CDH13: variants seen among roughly 807,000 people sequenced by gnomAD.
CDH13 encodes cadherin 13.
A neutral mutation model predicts 63.8 loss-of-function variants in CDH13; 24 were observed. The observed-to-expected ratio is 0.38, with a 90% CI of 0.27 to 0.53. CDH13 has a LOEUF of 0.53. CDH13 is among the 20% of genes least tolerant of loss of function. The pLI, the probability that CDH13 is intolerant of heterozygous loss-of-function variation, is 0.85. For missense variants in CDH13, 1,049 were observed against 903.1 expected (o/e 1.16, Z -2.07); for synonymous variants, 503 against 355.3 (o/e 1.42, Z -4.67).
chr16:83,379,938 T>TATATATATATATATATAGAGAGAGAGAG, intron 6 of CDH13, among the ~76,000 whole-genome samples: 68 of 123,424 alleles, frequency 5.5e-4, no homozygotes, highest in African/African-American at 1.6e-3. Flanking sequence ...TATATATATA[T>TATATATATATATATATAGAGAGAGAGAG]AGAGAGAGAG....
At chr16:83,696,081 G>C (rs965378384) in intron 10 of CDH13, among the ~76,000 whole-genome samples, 1 of 151,768 alleles carries the variant, frequency 6.6e-6, no homozygotes, top group Non-Finnish European at 1.5e-5. Flanking sequence ...TGTAGAGATG[G>C]GGTTTCGCCA....
chr16:83,736,975 G>C (rs190878323), intron 10 of CDH13, among the ~76,000 whole-genome samples: 113 of 152,304 alleles, frequency 7.4e-4, no homozygotes, highest in African/African-American at 2.6e-3. Context: ...GGAAATGTCA[G>C]TTCCATTGTT....
intron 2 of CDH13, among the ~76,000 whole-genome samples, chr16:83,020,283 C>G (rs1366618160): frequency 1.3e-5 from 2 of 152,294 alleles, no homozygotes; most frequent in African/African-American, 2.4e-5. Context: ...TCTGGAAGAC[C>G]TCAGGGCATC....
intron 6 of CDH13, among the ~76,000 whole-genome samples, chr16:83,428,269 G>A (rs2071977176): frequency 6.6e-6 from 1 of 152,120 alleles, no homozygotes; most frequent in Non-Finnish European, 1.5e-5. Context: ...AAAACAGCAG[G>A]CAGCAAAAAC....
chr16:83,335,777 C>T (rs2090580431), intron 5 of CDH13, among the ~76,000 whole-genome samples: 1 of 152,096 alleles, frequency 6.6e-6, no homozygotes, highest in Non-Finnish European at 1.5e-5. Flanking sequence ...ATGCAGACCC[C>T]AGTCACGTAC....
intron 4 of CDH13, among the ~76,000 whole-genome samples, chr16:83,133,302 C>G (rs1389931684): frequency 6.6e-6 from 1 of 152,160 alleles, no homozygotes; most frequent in Non-Finnish European, 1.5e-5. Flanking sequence ...AAGCTTATCA[C>G]ACGAACACAA....
At chr16:83,379,320 A>G (rs1454056531) in intron 6 of CDH13, among the ~76,000 whole-genome samples, 1 of 151,974 alleles carries the variant, frequency 6.6e-6, no homozygotes, top group Non-Finnish European at 1.5e-5. Context: ...GGTGCTGTTG[A>G]CTCTTCTACG....
intron 4 of CDH13, among the ~76,000 whole-genome samples, chr16:83,187,029 G>GGT (rs2038547560): frequency 6.6e-6 from 1 of 152,016 alleles, no homozygotes; most frequent in Non-Finnish European, 1.5e-5. Context: ...GGAGTGCAGT[G>GGT]GTGTGATCTC....
At chr16:83,516,378 A>G (rs2074699471) in intron 7 of CDH13, among the ~76,000 whole-genome samples, 1 of 152,220 alleles carries the variant, frequency 6.6e-6, no homozygotes, top group African/African-American at 2.4e-5. Flanking sequence ...ACACTCCACT[A>G]GTTTCTAGCC....
At chr16:83,554,099 C>A in intron 7 of CDH13, among the ~76,000 whole-genome samples, 1 of 152,110 alleles carries the variant, frequency 6.6e-6, no homozygotes, top group East Asian at 1.9e-4. Context: ...GATTAGACCT[C>A]AATGTAGCAG....
Position 82,764,254 on chromosome 16 carries a change from G to A in CDH13, c.46-94108G>A, listed in dbSNP as rs551643355. ...AACTTTTGAATTGTCATGCAGCTCA[G>A]AACTGGGGGATCTAGAAACTGAATT... On this transcript the variant is annotated intron_variant, in intron 1 of 13. Coordinates refer to ENST00000567109, the MANE Select transcript of CDH13 (RefSeq NM_001257.5). Among the ~76,000 whole-genome samples the A allele has an allele frequency of 3.3e-5, 5 of 152,338 alleles. No homozygotes were observed. In the East Asian group the frequency reaches 9.6e-4, roughly 29 times the overall value.
intron 1 of CDH13, among the ~76,000 whole-genome samples, chr16:82,812,763 GTTTT>G (rs146407577): frequency 2.0e-5 from 3 of 150,028 alleles, no homozygotes; most frequent in Non-Finnish European, 4.5e-5. Context: ...AGAAAACAAA[GTTTT>G]TTTTTTCTTT....
intron 6 of CDH13, among the ~76,000 whole-genome samples, chr16:83,456,108 C>T (rs918488740): frequency 1.2e-4 from 19 of 152,240 alleles, no homozygotes; most frequent in African/African-American, 4.6e-4. Context: ...GACTGCATTT[C>T]TTCATCCACC....
At chr16:83,032,608 G>A (rs1003250560) in intron 3 of CDH13, among the ~76,000 whole-genome samples, 3 of 152,018 alleles carry the variant, frequency 2.0e-5, no homozygotes, top group African/African-American at 4.8e-5. Context: ...CTTTCTGCTG[G>A]TCTGAAGTCG....
chr16:83,669,978 A>G lies in CDH13; in HGVS notation c.1102-812A>G, dbSNP rs562149545. 3.3e-5 allele frequency among the ~76,000 whole-genome samples: 5 copies of G among 152,334 alleles called. No individual in the cohort carries two copies. The South Asian group carries it at 6.2e-4, about 19-fold the overall frequency. On this transcript the variant is annotated intron_variant, in intron 8 of 13. Transcript: ENST00000567109. ...CTAATGAAAGCTCATGAAATTCTCT[A>G]TCTATGAGAAAGTTGATTTTTCATT... is the stretch of plus-strand genomic sequence containing the variant.
chr16:83,097,665 G>A (rs1156292039), intron 3 of CDH13, among the ~76,000 whole-genome samples: 1 of 152,196 alleles, frequency 6.6e-6, no homozygotes, highest in Non-Finnish European at 1.5e-5. Flanking sequence ...TAGAGTTTAT[G>A]TGGGAAGTGC....
intron 1 of CDH13, among the ~76,000 whole-genome samples, chr16:82,754,313 A>C (rs1407003397): frequency 6.6e-6 from 1 of 152,180 alleles, no homozygotes; most frequent in Non-Finnish European, 1.5e-5. Context: ...TGCATTAATA[A>C]TGATTGTTGA....
At position 83,694,930 on chromosome 16, in the gene CDH13, G is replaced by C. The variant is rs554222000; in HGVS notation, c.1538+16469G>C. On this transcript the variant is annotated intron_variant, in intron 10 of 13. Transcript: ENST00000567109. ...TCAAAACTAATGCAAAAATTAGCCA[G>C]GCACGGTGGTTCACGCCTATAATCC... Among the ~76,000 whole-genome samples, 4 of 152,286 alleles carry C rather than the reference G, an allele frequency of 2.6e-5. No individual in the cohort carries two copies. The South Asian group carries it at 8.3e-4, about 32-fold the overall frequency.
chr16:83,129,086 T>C (rs1450671843), intron 4 of CDH13, among the ~76,000 whole-genome samples: 1 of 152,158 alleles, frequency 6.6e-6, no homozygotes, highest in African/African-American at 2.4e-5. Context: ...TCCTGTCTTA[T>C]CCTCATCAAC....
Sources: gnomAD v4.1 joint callset for allele counts (sites outside exome capture counted in the v4.1 genomes callset) on GRCh38, gnomAD v4.1.1 for gene constraint, MANE v1.5 for transcripts, NCBI Gene and HGNC (gene_info 2026-07-23, HGNC 2026-07-21) for gene names.